Variants in ZMIZ1 observed in about 807,000 individuals in gnomAD.
The protein encoded by ZMIZ1 is zinc finger MIZ-type containing 1, also known as zinc finger MIZ domain-containing protein 1.
Under a neutral mutation model 113.9 loss-of-function variants are expected in ZMIZ1, and 17 were observed. That is an observed-to-expected ratio of 0.15 (90% CI 0.10 to 0.22). ZMIZ1 has a LOEUF of 0.22. ZMIZ1 is among the 10% of genes least tolerant of loss of function. ZMIZ1 has a pLI of 1.00. For missense variants in ZMIZ1, 1,059 were observed against 1,477.8 expected, an observed-to-expected ratio of 0.72 and a Z score of 4.65; for synonymous variants, 607 against 603.1, an observed-to-expected ratio of 1.01 and a Z score of -0.09.
intron 8 of ZMIZ1, chr10:79,285,731 A>C: frequency 2.7e-6 from 1 of 371,104 alleles, no homozygotes. Flanking sequence ...GAGCCCAAGA[A>C]ATCAGTGACA....
At chr10:79,074,989 G>C (rs1842420467) in intron 1 of ZMIZ1, among the ~76,000 whole-genome samples, 1 of 152,250 alleles carries the variant, frequency 6.6e-6, no homozygotes, top group Non-Finnish European at 1.5e-5. Context: ...AGATTTCTTA[G>C]ATTTCAATGC....
rs559790339 is a variant in ZMIZ1 at position 79,163,777 on chromosome 10, G to T, written c.-50+1644G>T. Among the ~76,000 whole-genome samples, 336 of 152,346 alleles carry T rather than the reference G, an allele frequency of 2.2e-3. 2 individuals carry two copies. Among genetic ancestry groups the T allele is most frequent in the African/African-American group, 7.9e-3 (327 of 41,590 alleles). On this transcript the variant is annotated intron_variant, in intron 4 of 24. Coordinates refer to ENST00000334512, the MANE Select transcript of ZMIZ1 (RefSeq NM_020338.4). ...AGCCTTTGCCCAGCCCGCCAAGTCC[G>T]CTGCTCTCTGGAGCCAGAGGGTGGC...
At chr10:79,257,510 T>C (rs1192363677) in intron 7 of ZMIZ1, among the ~76,000 whole-genome samples, 1 of 152,224 alleles carries the variant, frequency 6.6e-6, no homozygotes, top group East Asian at 1.9e-4. Context: ...GGGCTTGGCC[T>C]GCAGAGCTGG....
chr10:79,300,033 G>A (rs1392792890), intron 16 of ZMIZ1, among the ~76,000 whole-genome samples: 2 of 152,224 alleles, frequency 1.3e-5, no homozygotes. Flanking sequence ...CTGTTTTCTT[G>A]ACCATGCTGA....
intron 7 of ZMIZ1, among the ~76,000 whole-genome samples, chr10:79,264,189 C>T (rs1295468543): frequency 1.3e-5 from 2 of 152,190 alleles, no homozygotes; most frequent in African/African-American, 4.8e-5. Flanking sequence ...GGACTGTTGA[C>T]CCAGGCCAGC....
intron 20 of ZMIZ1, 113 bp from the exon 21 acceptor site, chr10:79,305,420 C>A (rs764440235): frequency 1.0e-5 from 13 of 1,305,880 alleles, no homozygotes; most frequent in Non-Finnish European, 1.4e-5. Context: ...TCTTGTGCCT[C>A]CAGTAGTAAC....
intron 7 of ZMIZ1, among the ~76,000 whole-genome samples, chr10:79,234,244 G>A (rs945788113): frequency 6.6e-6 from 1 of 152,290 alleles, no homozygotes; most frequent in South Asian, 2.1e-4. Flanking sequence ...CCAGTCTGCT[G>A]GGGTGGAAGT....
rs189072930 is a variant in ZMIZ1 at position 79,188,407 on chromosome 10, G to C, written c.-49-13177G>C. On this transcript the variant is annotated intron_variant, in intron 4 of 24. Coordinates refer to ENST00000334512, the MANE Select transcript of ZMIZ1 (RefSeq NM_020338.4). ...CTCTTCCCGCCCCCGAGCCAGTCTT[G>C]CTGGGGGAGGGAGCCCAGGGCGCCT... Among the ~76,000 whole-genome samples, 166 of 152,336 alleles carry C rather than the reference G, an allele frequency of 1.1e-3. No individual in the cohort carries two copies. In the Middle Eastern group the frequency reaches 0.014, roughly 12 times the overall value.
chr10:79,239,971 CCTCCCTCCCCTTGCT>C lies in ZMIZ1; in HGVS notation c.280+23703_280+23717del, dbSNP rs1298667735. 4.1e-5 allele frequency among the ~76,000 whole-genome samples: 6 copies of C among 146,386 alleles called. No individual in the cohort carries two copies. In the East Asian group the frequency reaches 1.3e-3, roughly 32 times the overall value. On this transcript the variant is annotated intron_variant, in intron 7 of 24. Coordinates refer to ENST00000334512, the MANE Select transcript of ZMIZ1 (RefSeq NM_020338.4). Reference sequence around the variant, plus strand: ...AGGCTCCTCCAGCTGGGTAAAGCATCCTCCCTCCCCTTGCTCTCCCGAGCAAGCCACCACTGCCTT... The same window carrying C: ...AGGCTCCTCCAGCTGGGTAAAGCATCCTCCCGAGCAAGCCACCACTGCCTT...
intron 3 of ZMIZ1, among the ~76,000 whole-genome samples, chr10:79,156,624 C>G (rs780153): frequency 0.86 from 130,169 of 152,222 alleles, 56,163 homozygotes; most frequent in African/African-American, 0.96. Flanking sequence ...GGCTGGGCTT[C>G]GGAAGACAGT....
rs1043035653 is a variant in ZMIZ1 at position 79,305,311 on chromosome 10, C to A, written c.2354+80C>A. ...AGGGGCCAGCTACCTCCCACCTCCA[C>A]CTGCCCTAAATGCAAACCAGAACCC... On this transcript the variant is annotated intron_variant, in intron 20 of 24. Transcript: ENST00000334512. The A allele has an allele frequency of 8.6e-6, 13 of 1,517,636 alleles. No individual in the cohort carries two copies. The South Asian group carries it at 1.5e-4, about 17-fold the overall frequency. The allele number at this position is 1,517,636 out of a possible 1,614,324, so 94.0% of individuals were successfully genotyped here. A position where few individuals can be genotyped will look rare whatever the true frequency, so the allele number is the denominator to read the frequency against.
At chr10:79,279,179 C>T (rs1852524978) in intron 8 of ZMIZ1, among the ~76,000 whole-genome samples, 1 of 151,506 alleles carries the variant, frequency 6.6e-6, no homozygotes. Flanking sequence ...GGGCAGCTGC[C>T]AGGGGGAGGG....
chr10:79,100,119 A>G (rs1354560105), intron 1 of ZMIZ1, among the ~76,000 whole-genome samples: 2 of 152,096 alleles, frequency 1.3e-5, no homozygotes, highest in African/African-American at 4.8e-5. Flanking sequence ...GAGCCTCACT[A>G]GGGAACAAGA....
intron 2 of ZMIZ1, among the ~76,000 whole-genome samples, chr10:79,119,625 T>C (rs1193505326): frequency 6.6e-6 from 1 of 152,156 alleles, no homozygotes; most frequent in Non-Finnish European, 1.5e-5. Flanking sequence ...CCTAGCTTCT[T>C]TTTGGGGGTG....
chr10:79,219,445 A>G (rs1471896549), intron 7 of ZMIZ1, among the ~76,000 whole-genome samples: 1 of 152,110 alleles, frequency 6.6e-6, no homozygotes, highest in African/African-American at 2.4e-5. Context: ...CCCAACTCAT[A>G]AGTAATAGGC....
rs76052255 is a variant in ZMIZ1, at chr10:79,290,674, C to T, written c.541-285C>T. ...AGCCTCTTCTCCCTTCACTGGGCTG[C>T]GCAGCCCCTGGGGACCGCTTGAACT... On this transcript the variant is annotated intron_variant, in intron 9 of 24. Coordinates refer to ENST00000334512, the MANE Select transcript of ZMIZ1 (RefSeq NM_020338.4). The T allele has an allele frequency of 1.8e-3, 1,156 of 629,760 alleles. 8 individuals carry two copies. The highest frequency in any genetic ancestry group is 0.018 in the African/African-American group (994 of 55,878). The allele number at this position is 629,760 out of a possible 1,614,324, so 39.0% of individuals were successfully genotyped here.
At chr10:79,120,742 A>G (rs1844255921) in intron 2 of ZMIZ1, among the ~76,000 whole-genome samples, 1 of 152,196 alleles carries the variant, frequency 6.6e-6, no homozygotes, top group Non-Finnish European at 1.5e-5. Context: ...CATGAGAATA[A>G]AACAGGTTAC....
chr10:79,233,343 T>C (rs922354127), intron 7 of ZMIZ1, among the ~76,000 whole-genome samples: 12 of 152,224 alleles, frequency 7.9e-5, no homozygotes, highest in African/African-American at 2.7e-4. Flanking sequence ...ACAATAGCAA[T>C]TGATCACTCC....
At chr10:79,109,714 A>G (rs7086436) in intron 1 of ZMIZ1, among the ~76,000 whole-genome samples, 103,491 of 152,208 alleles carry the variant, frequency 0.68, 35,191 homozygotes, top group African/African-American at 0.71. Flanking sequence ...TCAGGCAGCC[A>G]GGTGCACAAA....
Sources: gnomAD v4.1 joint callset for allele counts (sites outside exome capture counted in the v4.1 genomes callset) on GRCh38, gnomAD v4.1.1 for gene constraint, MANE v1.5 for transcripts, NCBI Gene and HGNC (gene_info 2026-07-23, HGNC 2026-07-21) for gene names.